The following CPQ variants were observed in gnomAD, a reference collection of about 807,000 sequenced individuals.
The protein encoded by CPQ is carboxypeptidase Q.
A neutral mutation model predicts 45.7 loss-of-function variants in CPQ; 37 were observed. That is an observed-to-expected ratio of 0.81 (90% CI 0.62 to 1.07). CPQ has a LOEUF of 1.07. Among genes scored for constraint, CPQ ranks in the 50% least tolerant of loss-of-function variants. CPQ has a pLI of 0.00. For missense variants in CPQ, 537 were observed against 572.9 expected, an observed-to-expected ratio of 0.94 and a Z score of 0.64; for synonymous variants, 186 against 205.8, an observed-to-expected ratio of 0.90 and a Z score of 0.82.
chr8:96,659,710 T>A (rs1347924154), intron 1 of CPQ, among the ~76,000 whole-genome samples: 1 of 152,230 alleles, frequency 6.6e-6, no homozygotes, highest in Non-Finnish European at 1.5e-5. Context: ...GTTAATTTGA[T>A]GTGTCTGAAA....
chr8:96,692,491 A>G (rs558945300), intron 1 of CPQ, among the ~76,000 whole-genome samples: 3 of 151,268 alleles, frequency 2.0e-5, no homozygotes, highest in Non-Finnish European at 4.4e-5. Context: ...GCATAGACAG[A>G]CTCTGTTTGT....
At chr8:97,006,139 T>G (rs1228275851) in intron 5 of CPQ, among the ~76,000 whole-genome samples, 1 of 152,094 alleles carries the variant, frequency 6.6e-6, no homozygotes, top group Non-Finnish European at 1.5e-5. Context: ...GGACCTGTGG[T>G]TTTTTTGTGG....
intron 1 of CPQ, among the ~76,000 whole-genome samples, chr8:96,687,286 C>T (rs1020004752): frequency 3.3e-5 from 5 of 151,778 alleles, no homozygotes; most frequent in African/African-American, 1.2e-4. Flanking sequence ...AATCTTAGCT[C>T]ATCGCAACCT....
intron 7 of CPQ, among the ~76,000 whole-genome samples, chr8:97,066,489 T>A (rs986556022): frequency 1.3e-5 from 2 of 152,240 alleles, no homozygotes; most frequent in East Asian, 3.9e-4. Context: ...TAAAAATCCA[T>A]TGTTTTGTTT....
At chr8:96,856,927 A>G (rs1394111725) in intron 3 of CPQ, among the ~76,000 whole-genome samples, 1 of 152,206 alleles carries the variant, frequency 6.6e-6, no homozygotes, top group Non-Finnish European at 1.5e-5. Context: ...TGCCCAGGAA[A>G]TAAAAGTGGG....
chr8:97,124,265 A>T (rs893241286), intron 7 of CPQ, among the ~76,000 whole-genome samples: 1 of 151,034 alleles, frequency 6.6e-6, no homozygotes, highest in Admixed American at 6.6e-5. Context: ...AATTCATTCA[A>T]TTACAAGCTT....
chr8:96,839,987 T>G (rs765345115), intron 3 of CPQ, among the ~76,000 whole-genome samples: 5 of 83,204 alleles, frequency 6.0e-5, no homozygotes, highest in Non-Finnish European at 9.8e-5. Flanking sequence ...ATGAAAGAAC[T>G]AGGATTCAAA....
intron 7 of CPQ, among the ~76,000 whole-genome samples, chr8:97,106,833 C>G (rs2513413): frequency 0.79 from 120,414 of 152,104 alleles, 47,830 homozygotes; most frequent in African/African-American, 0.81. Context: ...GAAAGAGAGG[C>G]CAGTATAGGA....
intron 6 of CPQ, among the ~76,000 whole-genome samples, chr8:97,049,276 G>C (rs1451178867): frequency 1.3e-5 from 2 of 152,076 alleles, no homozygotes; most frequent in Admixed American, 1.3e-4. Flanking sequence ...CCTTCCTTCA[G>C]CAGATATTTT....
At chr8:96,704,712 G>T (rs950803711) in intron 1 of CPQ, among the ~76,000 whole-genome samples, 4 of 152,080 alleles carry the variant, frequency 2.6e-5, no homozygotes, top group Admixed American at 2.6e-4. Context: ...TATCCTAAGA[G>T]CATTGGGAAG....
intron 1 of CPQ, among the ~76,000 whole-genome samples, chr8:96,738,870 T>G (rs1247980793): frequency 2.6e-5 from 4 of 152,030 alleles, no homozygotes; most frequent in African/African-American, 9.7e-5. Flanking sequence ...TTGTTGGACA[T>G]TTGGGTTGGT....
At chr8:97,017,648 C>G (rs1809604745) in intron 5 of CPQ, among the ~76,000 whole-genome samples, 1 of 152,096 alleles carries the variant, frequency 6.6e-6, no homozygotes, top group Non-Finnish European at 1.5e-5. Context: ...TCCCCTACTT[C>G]CCTGACAACC....
At chr8:97,026,753 T>C (rs1273068384) in intron 5 of CPQ, among the ~76,000 whole-genome samples, 1 of 152,228 alleles carries the variant, frequency 6.6e-6, no homozygotes, top group Non-Finnish European at 1.5e-5. Flanking sequence ...TGTTGAGGCC[T>C]TAGCATTCCT....
In CPQ at chr8:97,069,887, T is replaced by C. The variant is rs1444314853; in HGVS notation, c.1255+3677T>C. On this transcript the variant is annotated intron_variant, in intron 7 of 7. Transcript: ENST00000220763. ...ACCAAAATACTGATAGAACTGTATA[T>C]CTATCACACAGATAGAATTAAAATT... Among the ~76,000 whole-genome samples the C allele has an allele frequency of 2.6e-5, 4 of 152,160 alleles. No individual in the cohort carries two copies. The East Asian group carries it at 7.7e-4, about 29-fold the overall frequency.
At chr8:96,973,740 A>T (rs1382307713) in intron 5 of CPQ, among the ~76,000 whole-genome samples, 5 of 152,192 alleles carry the variant, frequency 3.3e-5, no homozygotes, top group Non-Finnish European at 7.4e-5. Context: ...CAAAACAATT[A>T]TCAGCCAAGA....
rs78344357 is a variant in CPQ at position 96,650,016 on chromosome 8, C to T, written c.-35+4614C>T. 6.5e-3 allele frequency among the ~76,000 whole-genome samples: 991 copies of T among 152,322 alleles called. 7 individuals carry two copies. The highest frequency in any genetic ancestry group is 0.011 in the Non-Finnish European group (744 of 68,028). On this transcript the variant is annotated intron_variant, in intron 1 of 7. Coordinates refer to ENST00000220763, the MANE Select transcript of CPQ (RefSeq NM_016134.4). ...GGAGTGTTGCAGAAAGCAGTGGTTT[C>T]TGAAGACACAGGTATAGGCAGATAT... is the stretch of plus-strand genomic sequence containing the variant.
intron 5 of CPQ, among the ~76,000 whole-genome samples, chr8:97,028,638 C>T (rs1387044404): frequency 6.6e-6 from 1 of 152,148 alleles, no homozygotes; most frequent in Non-Finnish European, 1.5e-5. Context: ...GAAACAGCTT[C>T]CTTGTAGGTA....
chr8:96,833,030 G>T (rs1297785665), intron 2 of CPQ, among the ~76,000 whole-genome samples: 3 of 152,026 alleles, frequency 2.0e-5, no homozygotes, highest in Non-Finnish European at 4.4e-5. Flanking sequence ...AGTGTAAGGG[G>T]GTTGAACAGA....
At chr8:96,921,590 A>G (rs1186743870) in intron 4 of CPQ, among the ~76,000 whole-genome samples, 2 of 152,176 alleles carry the variant, frequency 1.3e-5, no homozygotes, top group Non-Finnish European at 2.9e-5. Context: ...GGCAGGAGTT[A>G]ATGTGCTCAG....
Sources: gnomAD v4.1 joint callset for allele counts (sites outside exome capture counted in the v4.1 genomes callset) on GRCh38, gnomAD v4.1.1 for gene constraint, MANE v1.5 for transcripts, NCBI Gene and HGNC (gene_info 2026-07-23, HGNC 2026-07-21) for gene names.